ZNF652: variants seen among roughly 807,000 people sequenced by gnomAD.
The protein encoded by ZNF652 is zinc finger protein 652.
In ZNF652, 16 loss-of-function variants were observed where a neutral mutation model predicts 45.2. The ratio of observed to expected loss-of-function variants is 0.35; its 90% CI spans 0.24 to 0.54. The LOEUF (loss-of-function observed/expected upper bound fraction) is 0.54, where lower values mean the gene tolerates loss of function less well. Among genes scored for constraint, ZNF652 ranks in the 20% least tolerant of loss-of-function variants. ZNF652 has a pLI of 0.91. For synonymous variants in ZNF652, 250 were observed against 260.6 expected (o/e 0.96, Z 0.39); for missense variants, 614 against 765.6 (o/e 0.80, Z 2.34).
At chr17:49,343,891 C>T (rs1462973711) in intron 1 of ZNF652, among the ~76,000 whole-genome samples, 2 of 151,896 alleles carry the variant, frequency 1.3e-5, no homozygotes, top group African/African-American at 4.8e-5. Flanking sequence ...TTAATCTCTA[C>T]AAAAAACTTA....
intron 1 of ZNF652, among the ~76,000 whole-genome samples, chr17:49,351,025 A>ATATG (rs2070275750): frequency 7.0e-5 from 6 of 85,892 alleles, no homozygotes; most frequent in African/African-American, 2.8e-4. Flanking sequence ...ACACACACAC[A>ATATG]CACACACACA....
intron 2 of ZNF652, among the ~76,000 whole-genome samples, chr17:49,316,506 C>A (rs575648760): frequency 6.6e-6 from 1 of 152,290 alleles, no homozygotes; most frequent in South Asian, 2.1e-4. Context: ...AGAGAAGATG[C>A]CAGAATGAAT....
chr17:49,303,049 G>A, intron 5 of ZNF652, among the ~76,000 whole-genome samples: 1 of 151,974 alleles, frequency 6.6e-6, no homozygotes. Context: ...CAACAGGCCA[G>A]CCACAGTGGC....
In ZNF652 at chr17:49,290,801, T is replaced by C. The variant is rs945824803; in HGVS notation, c.*7612A>G. The C allele has an allele frequency of 6.6e-6, 1 of 152,206 alleles. No individual in the cohort carries two copies. The highest frequency in any genetic ancestry group is 1.5e-5 in the Non-Finnish European group (1 of 68,032). The allele number at this position is 152,206 out of a possible 1,614,324, so 9.4% of individuals were successfully genotyped here. ...TTGTAATAAGGGAAAATTTCTTAAA[T>C]AATCAAAATACATGAATAAGCTTTG... is the stretch of plus-strand genomic sequence containing the variant. On this transcript the variant is annotated 3_prime_UTR_variant, in exon 6 of 6. Transcript: ENST00000430262.
At chr17:49,354,055 T>C (rs2070308939) in intron 1 of ZNF652, among the ~76,000 whole-genome samples, 1 of 152,232 alleles carries the variant, frequency 6.6e-6, no homozygotes, top group Non-Finnish European at 1.5e-5. Context: ...TGACAAATTA[T>C]AATACATGCA....
At chr17:49,310,964 C>T (rs2069702742) in intron 5 of ZNF652, among the ~76,000 whole-genome samples, 1 of 152,150 alleles carries the variant, frequency 6.6e-6, no homozygotes, top group African/African-American at 2.4e-5. Flanking sequence ...TCAGTGTCCT[C>T]CATCCTTTTA....
intron 5 of ZNF652, among the ~76,000 whole-genome samples, chr17:49,302,383 G>C (rs959871869): frequency 6.6e-6 from 1 of 150,394 alleles, no homozygotes; most frequent in Non-Finnish European, 1.5e-5. Flanking sequence ...CTGCCTCCTG[G>C]GTTCAAGTGA....
intron 1 of ZNF652, chr17:49,361,353 G>C: frequency 6.6e-6 from 1 of 152,608 alleles, no homozygotes. Flanking sequence ...CCTGATTGGA[G>C]GGGAGGAGGA....
intron 1 of ZNF652, among the ~76,000 whole-genome samples, chr17:49,348,962 A>AAAAAC (rs1488161501): frequency 1.3e-5 from 2 of 152,186 alleles, no homozygotes; most frequent in African/African-American, 4.8e-5. Flanking sequence ...AAACTGAATG[A>AAAAAC]AAAAGAAAAC....
intron 3 of ZNF652, 77 bp downstream of exon 3, chr17:49,312,621 C>G: frequency 6.7e-7 from 1 of 1,483,904 alleles, no homozygotes; most frequent in Non-Finnish European, 9.1e-7. Flanking sequence ...TCCTCATATC[C>G]TGCCCAATCC....
chr17:49,314,045 A>C (rs1003533255), intron 2 of ZNF652, among the ~76,000 whole-genome samples: 1 of 147,020 alleles, frequency 6.8e-6, no homozygotes, highest in Admixed American at 6.8e-5. Context: ...TGGAGCATTT[A>C]TTAATACGAA....
Position 49,317,175 on chromosome 17 carries a change from T to C in ZNF652, c.551A>G (p.Lys184Arg). 6.2e-7 allele frequency: 1 copy of C among 1,613,770 alleles called. No homozygotes were observed. Among genetic ancestry groups the C allele is most frequent in the Non-Finnish European group, 8.5e-7 (1 of 1,179,996 alleles). ...KQKKKEKIVE[K>R]VSVTQRRTRR... Reference sequence around the variant, plus strand: ...GGTTCTCCTTTGTGTAACGCTGACTTTCTCTACTATCTTCTCCTTTTTCTT... The same window carrying C: ...GGTTCTCCTTTGTGTAACGCTGACTCTCTCTACTATCTTCTCCTTTTTCTT... Residue 184 changes from lysine to arginine, a missense_variant, in exon 2 of 6, where the codon AAA becomes AGA. Lys to Arg is a conservative substitution (Grantham distance 26, BLOSUM62 2). Transcript: ENST00000430262.
At chr17:49,321,657 C>A (rs2069894987) in intron 1 of ZNF652, among the ~76,000 whole-genome samples, 1 of 151,974 alleles carries the variant, frequency 6.6e-6, no homozygotes, top group Non-Finnish European at 1.5e-5. Flanking sequence ...CGAGTAGAAA[C>A]CAGAAGTGGG....
chr17:49,348,195 C>CA (rs374321045), intron 1 of ZNF652, among the ~76,000 whole-genome samples: 92 of 152,166 alleles, frequency 6.0e-4, no homozygotes, highest in African/African-American at 1.7e-3. Context: ...GATTCCTCAA[C>CA]AAAAAACTGC....
chr17:49,288,233 C>T (rs1431606972), downstream of ZNF652: 1 of 151,950 alleles, frequency 6.6e-6, no homozygotes, highest in Admixed American at 6.6e-5. Context: ...AGTTTGAAAG[C>T]ACTTATTTAG....
At chr17:49,356,623 T>G (rs1598321056) in intron 1 of ZNF652, among the ~76,000 whole-genome samples, 1 of 152,144 alleles carries the variant, frequency 6.6e-6, no homozygotes, top group East Asian at 1.9e-4. Context: ...TAAAGTATAC[T>G]GCAAAATCTA....
chr17:49,361,111 G>C lies in ZNF652; in HGVS notation c.-259+798C>G, dbSNP rs1406511187. 2.0e-5 allele frequency: 3 copies of C among 152,338 alleles called. No homozygotes were observed. In the East Asian group the frequency reaches 5.8e-4, roughly 29 times the overall value. The allele number at this position is 152,338 out of a possible 1,614,324, so 9.4% of individuals were successfully genotyped here. A position where few individuals can be genotyped will look rare whatever the true frequency, so the allele number is the denominator to read the frequency against. ...GTGACAGGGGCTGCTCGGCAATCAG[G>C]AAGTGAGTGAGTGTATGAGTGTGTC... On this transcript the variant is annotated intron_variant, in intron 1 of 5. Coordinates refer to ENST00000430262, the MANE Select transcript of ZNF652 (RefSeq NM_001145365.3).
At chr17:49,308,471 C>A (rs997899066) in intron 5 of ZNF652, among the ~76,000 whole-genome samples, 19 of 152,102 alleles carry the variant, frequency 1.2e-4, no homozygotes, top group Non-Finnish European at 2.1e-4. Flanking sequence ...GCCACCATGT[C>A]CAGGTGCATA....
chr17:49,356,429 CAAAAAAA>C (rs35374808), intron 1 of ZNF652, among the ~76,000 whole-genome samples: 2 of 42,338 alleles, frequency 4.7e-5, no homozygotes, highest in East Asian at 9.1e-4. Flanking sequence ...ACTCTGTCTG[CAAAAAAA>C]AAAAAAAAAA....
Sources: gnomAD v4.1 joint callset for allele counts (sites outside exome capture counted in the v4.1 genomes callset) on GRCh38, gnomAD v4.1.1 for gene constraint, MANE v1.5 for transcripts, NCBI Gene and HGNC (gene_info 2026-07-23, HGNC 2026-07-21) for gene names.